The following FREM1 variants were observed in gnomAD, a reference collection of about 807,000 sequenced individuals.
FREM1 encodes FRAS1 related extracellular matrix 1.
In FREM1, 220 loss-of-function variants were observed where a neutral mutation model predicts 210.1. That is an observed-to-expected ratio of 1.05 (90% CI 0.94 to 1.17). The LOEUF is 1.17. Among genes scored for constraint, FREM1 ranks in the 50% most tolerant of loss-of-function variants. The pLI is 0.00. For missense variants in FREM1, 3,454 were observed against 2,675.5 expected (o/e 1.29, Z -6.42); for synonymous variants, 1,189 against 980.2 (o/e 1.21, Z -3.98).
chr9:14,850,392 A>G (rs1827485792), intron 6 of FREM1: 1 of 149,182 alleles, frequency 6.7e-6, no homozygotes, highest in Non-Finnish European at 1.5e-5. Context: ...CTCTCACAAA[A>G]AAAAAGAATA....
At chr9:14,737,893 G>A (rs1462893906) in intron 36 of FREM1, among the ~76,000 whole-genome samples, 1 of 151,974 alleles carries the variant, frequency 6.6e-6, no homozygotes, top group Admixed American at 6.6e-5. Flanking sequence ...GTTGTTTTGA[G>A]GATTAAAAAA....
At chr9:14,816,754 C>G in intron 15 of FREM1, 24 bp downstream of exon 15, 3 of 1,287,192 alleles carry the variant, frequency 2.3e-6, no homozygotes, top group Admixed American at 2.4e-5. Flanking sequence ...AGACAATAAC[C>G]CAGGGAAGAA....
chr9:14,838,414 C>G (rs747117381), intron 10 of FREM1, among the ~76,000 whole-genome samples: 3 of 152,008 alleles, frequency 2.0e-5, no homozygotes, highest in Non-Finnish European at 4.4e-5. Context: ...ATCAAACAGA[C>G]CAGGTAATCA....
At chr9:14,771,369 A>C (rs2201380) in intron 25 of FREM1, among the ~76,000 whole-genome samples, 1 of 152,184 alleles carries the variant, frequency 6.6e-6, no homozygotes, top group Non-Finnish European at 1.5e-5. Context: ...TCAGTAAGGA[A>C]AAAGTGAAAG....
At chr9:14,749,045 T>C (rs756960680) in intron 30 of FREM1, among the ~76,000 whole-genome samples, 49 of 152,194 alleles carry the variant, frequency 3.2e-4, no homozygotes, top group Admixed American at 3.9e-4. Context: ...GAAACTGGAA[T>C]TGTTTAAAGA....
intron 20 of FREM1, among the ~76,000 whole-genome samples, chr9:14,798,889 G>A (rs1161332543): frequency 2.0e-5 from 3 of 152,012 alleles, no homozygotes; most frequent in Non-Finnish European, 4.4e-5. Context: ...GGCCAGGCTG[G>A]TCTCGAACTC....
intron 27 of FREM1, among the ~76,000 whole-genome samples, chr9:14,769,261 G>A (rs1332085931): frequency 6.6e-6 from 1 of 152,128 alleles, no homozygotes; most frequent in African/African-American, 2.4e-5. Flanking sequence ...TCAAGTAATT[G>A]TAATTTTCTT....
chr9:14,739,834 T>C (rs1302423015), intron 36 of FREM1, among the ~76,000 whole-genome samples: 1 of 151,888 alleles, frequency 6.6e-6, no homozygotes, highest in Non-Finnish European at 1.5e-5. Context: ...TGTACTATAA[T>C]TTATTTAACC....
At chr9:14,790,412 T>C (rs1243651124) in intron 22 of FREM1, among the ~76,000 whole-genome samples, 7 of 152,182 alleles carry the variant, frequency 4.6e-5, no homozygotes. Flanking sequence ...AAGCTAGAGT[T>C]TGTTTCCATA....
chr9:14,782,197 T>A (rs1295329304), intron 24 of FREM1, among the ~76,000 whole-genome samples: 4 of 152,242 alleles, frequency 2.6e-5, no homozygotes, highest in Non-Finnish European at 5.9e-5. Context: ...ATTTTGTAGT[T>A]CTCTCTGGCA....
chr9:14,808,781 C>A (rs1475795322), intron 16 of FREM1, among the ~76,000 whole-genome samples: 1 of 151,874 alleles, frequency 6.6e-6, no homozygotes, highest in Non-Finnish European at 1.5e-5. Flanking sequence ...TCAAAATGTC[C>A]CCAGTTTAGA....
intron 13 of FREM1, among the ~76,000 whole-genome samples, chr9:14,822,506 C>T (rs963306353): frequency 1.3e-5 from 2 of 152,112 alleles, no homozygotes; most frequent in East Asian, 3.9e-4. Flanking sequence ...TGTCTTCCTG[C>T]TTTTAAGGGA....
intron 29 of FREM1, among the ~76,000 whole-genome samples, chr9:14,754,198 G>C (rs572605700): frequency 6.6e-6 from 1 of 152,318 alleles, no homozygotes; most frequent in South Asian, 2.1e-4. Context: ...TCAAGAAATG[G>C]AAAAGTTGGA....
chr9:14,767,700 A>G (rs907724961), intron 27 of FREM1, among the ~76,000 whole-genome samples: 6 of 152,300 alleles, frequency 3.9e-5, no homozygotes, highest in Non-Finnish European at 8.8e-5. Flanking sequence ...CCTAGTTCCA[A>G]TAACATCTGC....
At chr9:14,868,044 C>G (rs1048963289) in intron 2 of FREM1, among the ~76,000 whole-genome samples, 1 of 152,172 alleles carries the variant, frequency 6.6e-6, no homozygotes, top group Non-Finnish European at 1.5e-5. Flanking sequence ...CAGATAATTT[C>G]AAAGAACAGT....
chr9:14,890,551 A>G (rs150171625), intron 1 of FREM1, among the ~76,000 whole-genome samples: 1 of 152,334 alleles, frequency 6.6e-6, no homozygotes, highest in East Asian at 1.9e-4. Flanking sequence ...GTTCTTTTTC[A>G]TTAAAACAAA....
chr9:14,812,543 T>C (rs748184943), intron 16 of FREM1, among the ~76,000 whole-genome samples: 15 of 152,266 alleles, frequency 9.9e-5, no homozygotes, highest in Non-Finnish European at 1.9e-4. Context: ...AGGAGAATCA[T>C]AGGGTGAATG....
chr9:14,845,352 T>C (rs1211420858), intron 8 of FREM1, among the ~76,000 whole-genome samples: 1 of 152,168 alleles, frequency 6.6e-6, no homozygotes, highest in Non-Finnish European at 1.5e-5. Context: ...TCACCCAGGC[T>C]GGAGTGCAGT....
chr9:14,863,785 G>C (rs779832264), intron 3 of FREM1, 24 bp downstream of exon 3: 5 of 1,435,588 alleles, frequency 3.5e-6, no homozygotes, highest in Non-Finnish European at 4.9e-6. Context: ...GGCAGCAAAT[G>C]AGCGATGTTC....
Sources: gnomAD v4.1 joint callset for allele counts (sites outside exome capture counted in the v4.1 genomes callset) on GRCh38, gnomAD v4.1.1 for gene constraint, MANE v1.5 for transcripts, NCBI Gene and HGNC (gene_info 2026-07-23, HGNC 2026-07-21) for gene names.